TALDO1: variants seen among roughly 807,000 people sequenced by gnomAD.
TALDO1 encodes transaldolase 1.
A neutral mutation model predicts 38.1 loss-of-function variants in TALDO1; 29 were observed. That is an observed-to-expected ratio of 0.76 (90% CI 0.57 to 1.04). The LOEUF (loss-of-function observed/expected upper bound fraction) is 1.04, where lower values mean the gene tolerates loss of function less well. Among genes scored for constraint, TALDO1 ranks in the 50% least tolerant of loss-of-function variants. The probability of loss-of-function intolerance (pLI) is 0.00; values close to 1 mark genes in which losing one functional copy is unlikely to be tolerated. For missense variants in TALDO1, 499 were observed against 438.1 expected, an observed-to-expected ratio of 1.14 and a Z score of -1.24; for synonymous variants, 207 against 176.8, an observed-to-expected ratio of 1.17 and a Z score of -1.36.
chr11:764,673 A>G (rs2133584102), intron 7 of TALDO1, 140 bp from the exon 8 acceptor site: 3 of 1,421,982 alleles, frequency 2.1e-6, no homozygotes, highest in Non-Finnish European at 2.0e-6. Context: ...TGACTGTGGT[A>G]TTGGCCACCC....
intron 1 of TALDO1, among the ~76,000 whole-genome samples, chr11:750,621 C>G (rs902672047): frequency 1.3e-5 from 2 of 152,020 alleles, no homozygotes; most frequent in African/African-American, 2.4e-5. Flanking sequence ...TCAGGAGATC[C>G]AGACCATCCT....
chr11:753,943 T>A (rs1862791864), intron 1 of TALDO1, among the ~76,000 whole-genome samples: 1 of 151,788 alleles, frequency 6.6e-6, no homozygotes, highest in Non-Finnish European at 1.5e-5. Flanking sequence ...GCTACAAGTT[T>A]GGACGTTTTG....
intron 2 of TALDO1, among the ~76,000 whole-genome samples, chr11:756,512 ATTTTTTTT>A (rs34721664): frequency 8.7e-6 from 1 of 115,394 alleles, no homozygotes; most frequent in African/African-American, 3.3e-5. Context: ...TCATTTTTGT[ATTTTTTTT>A]TTTTTTTTTT....
chr11:757,276 C>T (rs922526979), intron 2 of TALDO1, among the ~76,000 whole-genome samples: 1 of 150,610 alleles, frequency 6.6e-6, no homozygotes, highest in Non-Finnish European at 1.5e-5. Flanking sequence ...CACCCATGTC[C>T]AGATGGCCCC....
intron 1 of TALDO1, 105 bp from the exon 2 acceptor site, chr11:755,774 C>T (rs1862825364): frequency 6.4e-7 from 1 of 1,570,584 alleles, no homozygotes; most frequent in Admixed American, 1.7e-5. Flanking sequence ...TTCGGAAATG[C>T]TCTGGACTCC....
rs371536974 is a variant in TALDO1, at chr11:755,875, C to G, written c.98-4C>G. 29 of 1,614,068 alleles carry G rather than the reference C, an allele frequency of 1.8e-5. No homozygotes were observed. The highest frequency in any genetic ancestry group is 2.4e-5 in the Non-Finnish European group (28 of 1,180,036). On this transcript the variant is annotated splice_polypyrimidine_tract_variant and splice_region_variant and intron_variant, in intron 1 of 7. Coordinates refer to ENST00000319006, the MANE Select transcript of TALDO1 (RefSeq NM_006755.2). ...ACTTTGGCTTTTGAAAACTATTTCC[C>G]TAGCCATCGACGAGTACAAGCCCCA... is the stretch of plus-strand genomic sequence containing the variant.
Position 758,944 on chromosome 11 carries a change from T to A in TALDO1, c.222-6T>A. On this transcript the variant is annotated splice_polypyrimidine_tract_variant and splice_region_variant and intron_variant, in intron 2 of 7. Transcript: ENST00000319006. Reference sequence around the variant, plus strand: ...CTAACCTGCTTTTTTTCCCTTTGAATTTCAGGTCACAAGAGGACCAGATTA... The same window carrying A: ...CTAACCTGCTTTTTTTCCCTTTGAAATTCAGGTCACAAGAGGACCAGATTA... The A allele has an allele frequency of 6.2e-7, 1 of 1,608,650 alleles. No homozygotes were observed. The highest frequency in any genetic ancestry group is 8.5e-7 in the Non-Finnish European group (1 of 1,176,378).
Position 747,581 on chromosome 11 carries a change from G to T in TALDO1, c.97+3G>T. On this transcript the variant is annotated splice_donor_region_variant and intron_variant, in intron 1 of 7. Coordinates refer to ENST00000319006, the MANE Select transcript of TALDO1 (RefSeq NM_006755.2). ...GGCCGACACGGGCGACTTCCACGGT[G>T]AGGACGGCGCGGAGCCCGGGCGCGG... 6.4e-7 allele frequency: 1 copy of T among 1,570,538 alleles called. No homozygotes were observed. The highest frequency in any genetic ancestry group is 8.6e-7 in the Non-Finnish European group (1 of 1,161,390).
intron 1 of TALDO1, among the ~76,000 whole-genome samples, chr11:754,979 G>C (rs1203401190): frequency 6.6e-6 from 1 of 152,094 alleles, no homozygotes; most frequent in Non-Finnish European, 1.5e-5. Context: ...ATTGGTGAGT[G>C]ATAGCAGTGG....
intron 1 of TALDO1, 59 bp downstream of exon 1, chr11:747,637 C>T (rs1484681723): frequency 2.1e-6 from 3 of 1,417,922 alleles, no homozygotes; most frequent in African/African-American, 1.5e-5. Context: ...CCCGGCGCCC[C>T]GATTTCCCCG....
intron 1 of TALDO1, among the ~76,000 whole-genome samples, chr11:751,977 T>C (rs1030282480): frequency 6.6e-6 from 1 of 152,134 alleles, no homozygotes; most frequent in Non-Finnish European, 1.5e-5. Context: ...TCACTGACCT[T>C]CTCCTCTCCT....
In TALDO1 at chr11:760,132, G is replaced by C. The variant is rs752845518; in HGVS notation, c.340G>C (p.Asp114His). The C allele has an allele frequency of 6.2e-7, 1 of 1,614,094 alleles. No individual in the cohort carries two copies. The highest frequency in any genetic ancestry group is 1.1e-5 in the South Asian group (1 of 91,056). ...TTCTTGCTCCTACAGGCTCTCCTTT[G>C]ATAAAGATGCGATGGTGGCCAGAGC... is the stretch of plus-strand genomic sequence containing the variant. Reference protein sequence around the residue: ...STEVDARLSFDKDAMVARARR... With the variant: ...STEVDARLSFHKDAMVARARR... The change falls in exon 4 of 8, where the codon GAT (aspartate) becomes CAT (histidine). Residue 114 changes from aspartate (D) to histidine (H), a missense_variant. Coordinates refer to ENST00000319006, the MANE Select transcript of TALDO1 (RefSeq NM_006755.2).
intron 1 of TALDO1, among the ~76,000 whole-genome samples, chr11:749,511 G>A (rs1008434425): frequency 3.3e-5 from 5 of 151,464 alleles, no homozygotes; most frequent in African/African-American, 1.2e-4. Flanking sequence ...ATGTTATATA[G>A]TTGTAAAATA....
intron 4 of TALDO1, 40 bp from the exon 5 acceptor site, chr11:763,304 G>A (rs201153206): frequency 4.8e-5 from 14 of 292,824 alleles, no homozygotes; most frequent in Non-Finnish European, 6.5e-5. Context: ...ACCTGTCCCC[G>A]CCCTCACCTG....
chr11:759,897 A>G (rs1862901933), intron 3 of TALDO1, among the ~76,000 whole-genome samples: 1 of 152,192 alleles, frequency 6.6e-6, no homozygotes, highest in Non-Finnish European at 1.5e-5. Context: ...TTTTAATACA[A>G]ATTATAGCCT....
At position 755,882 on chromosome 11, in the gene TALDO1, T is replaced by C; in HGVS notation, c.101T>C (p.Ile34Thr). The C allele has an allele frequency of 1.9e-6, 3 of 1,614,200 alleles. No homozygotes were observed. In the South Asian group the frequency reaches 3.3e-5, roughly 18 times the overall value. The change falls in exon 2 of 8, where the codon ATC becomes ACC. Residue 34 changes from isoleucine (I) to threonine (T), a missense_variant. Physicochemically the swap from Ile to Thr is moderately conservative, Grantham distance 89 (BLOSUM62 -1). Transcript: ENST00000319006. ...CTTTTGAAAACTATTTCCCTAGCCA[T>C]CGACGAGTACAAGCCCCAGGATGCT... ...VVADTGDFHA[I>T]DEYKPQDATT... is the part of the protein sequence containing the mutation.
intron 2 of TALDO1, among the ~76,000 whole-genome samples, chr11:757,231 C>A (rs1049732997): frequency 2.0e-5 from 3 of 151,966 alleles, no homozygotes; most frequent in Admixed American, 6.6e-5. Flanking sequence ...ACATTGGTGC[C>A]TTTGCTTGGC....
Position 755,430 on chromosome 11 carries a change from C to T in TALDO1, c.98-449C>T, listed in dbSNP as rs183598272. Among the ~76,000 whole-genome samples the T allele has an allele frequency of 8.5e-5, 13 of 152,220 alleles. No individual in the cohort carries two copies. In the East Asian group the frequency reaches 9.7e-4, roughly 11 times the overall value. On this transcript the variant is annotated intron_variant, in intron 1 of 7. Coordinates refer to ENST00000319006, the MANE Select transcript of TALDO1 (RefSeq NM_006755.2). ...AAGTGCTGGGATTACAGGCGTGGGC[C>T]GCCGCGCCCAGCTCCCCTTGGCTTC...
chr11:760,504 GAAGAA>G (rs1862910071), intron 4 of TALDO1: 2 of 511,864 alleles, frequency 3.9e-6, no homozygotes, highest in Non-Finnish European at 7.0e-6. Context: ...ACTCAGCAGA[GAAGAA>G]AAGCCACTAG....
Sources: gnomAD v4.1 joint callset for allele counts (sites outside exome capture counted in the v4.1 genomes callset) on GRCh38, gnomAD v4.1.1 for gene constraint, MANE v1.5 for transcripts, NCBI Gene and HGNC (gene_info 2026-07-23, HGNC 2026-07-21) for gene names.